TMTC2: variants seen among roughly 807,000 people sequenced by gnomAD.
The protein encoded by TMTC2 is protein O-mannosyl-transferase TMTC2.
TMTC2 carries 43 observed loss-of-function variants against 82.4 expected under a neutral mutation model. The ratio of observed to expected loss-of-function variants is 0.52; its 90% CI spans 0.41 to 0.67. The LOEUF (loss-of-function observed/expected upper bound fraction) is 0.67, where lower values mean the gene tolerates loss of function less well. Ranked by LOEUF, TMTC2 falls within the 30% of genes least tolerant of loss-of-function variation. The pLI, the probability that TMTC2 is intolerant of heterozygous loss-of-function variation, is 0.00. For missense variants in TMTC2, 919 were observed against 1,012.4 expected, an observed-to-expected ratio of 0.91 and a Z score of 1.25; for synonymous variants, 408 against 381.9, an observed-to-expected ratio of 1.07 and a Z score of -0.80.
chr12:82,793,466 A>G (rs886591018), intron 1 of TMTC2, among the ~76,000 whole-genome samples: 1 of 151,786 alleles, frequency 6.6e-6, no homozygotes, highest in African/African-American at 2.4e-5. Context: ...TATTTAATTA[A>G]TGTTCATTGA....
chr12:83,036,507 C>A (rs1881671011), intron 9 of TMTC2, among the ~76,000 whole-genome samples: 1 of 147,064 alleles, frequency 6.8e-6, no homozygotes. Context: ...CTTCATCATC[C>A]AACCCCTGTG....
At chr12:83,115,687 G>A (rs1884732002) in intron 11 of TMTC2, among the ~76,000 whole-genome samples, 2 of 151,828 alleles carry the variant, frequency 1.3e-5, no homozygotes, top group South Asian at 2.1e-4. Flanking sequence ...GGAACGGGTG[G>A]TGTTTGGTTA....
chr12:83,046,652 G>A (rs765131842), intron 9 of TMTC2, among the ~76,000 whole-genome samples: 3 of 152,072 alleles, frequency 2.0e-5, no homozygotes, highest in Non-Finnish European at 2.9e-5. Flanking sequence ...TGAAACTTGG[G>A]GCTTGTCTCT....
intron 8 of TMTC2, among the ~76,000 whole-genome samples, chr12:83,022,421 C>T (rs1880975287): frequency 7.3e-6 from 1 of 137,808 alleles, no homozygotes; most frequent in Non-Finnish European, 1.5e-5. Context: ...TTTCACAAAG[C>T]ACTGAAGACT....
intron 3 of TMTC2, among the ~76,000 whole-genome samples, chr12:82,923,779 T>G (rs1226168848): frequency 6.6e-6 from 1 of 152,158 alleles, no homozygotes. Flanking sequence ...ATAGATTAAT[T>G]TGGGGAGAAC....
intron 1 of TMTC2, among the ~76,000 whole-genome samples, chr12:82,709,552 T>A (rs1873529225): frequency 6.6e-6 from 1 of 152,230 alleles, no homozygotes; most frequent in Non-Finnish European, 1.5e-5. Context: ...CCCAAAAACC[T>A]GCTCATTTGA....
At chr12:83,120,352 G>T (rs1884909260) in intron 11 of TMTC2, among the ~76,000 whole-genome samples, 1 of 152,108 alleles carries the variant, frequency 6.6e-6, no homozygotes, top group African/African-American at 2.4e-5. Flanking sequence ...GCTTGGTAGT[G>T]GTGAATTCTC....
intron 2 of TMTC2, among the ~76,000 whole-genome samples, chr12:82,884,274 A>T (rs2137160366): frequency 6.6e-6 from 1 of 152,336 alleles, no homozygotes; most frequent in Middle Eastern, 3.4e-3. Flanking sequence ...ATGGGTTTAG[A>T]GGCATCCTTT....
chr12:83,043,981 C>A (rs756116145), intron 9 of TMTC2, among the ~76,000 whole-genome samples: 3 of 151,988 alleles, frequency 2.0e-5, no homozygotes, highest in Non-Finnish European at 2.9e-5. Context: ...TTTGTGTTTT[C>A]CAAGGGAAAT....
intron 7 of TMTC2, among the ~76,000 whole-genome samples, chr12:82,984,180 C>G (rs1434330440): frequency 6.6e-6 from 1 of 151,926 alleles, no homozygotes; most frequent in South Asian, 2.1e-4. Flanking sequence ...TTTAATTTCA[C>G]CAACTTCTTA....
At chr12:83,022,204 A>C (rs1308442602) in intron 8 of TMTC2, among the ~76,000 whole-genome samples, 1 of 151,938 alleles carries the variant, frequency 6.6e-6, no homozygotes, top group Non-Finnish European at 1.5e-5. Context: ...CCTGACTCAC[A>C]ATTTTTTATG....
chr12:82,901,600 A>C (rs1300039563), intron 3 of TMTC2, among the ~76,000 whole-genome samples: 1 of 151,962 alleles, frequency 6.6e-6, no homozygotes, highest in Non-Finnish European at 1.5e-5. Flanking sequence ...TAATATTAGT[A>C]AAAGACTCTC....
At chr12:83,089,826 AAAAAAAC>A (rs762388579) in intron 11 of TMTC2, among the ~76,000 whole-genome samples, 3,762 of 149,890 alleles carry the variant, frequency 0.025, 157 homozygotes, top group African/African-American at 0.088. Flanking sequence ...GATAATAGCA[AAAAAAAC>A]AAAAAACAAA....
At chr12:83,108,772 C>T (rs918953036) in intron 11 of TMTC2, among the ~76,000 whole-genome samples, 7 of 151,928 alleles carry the variant, frequency 4.6e-5, no homozygotes, top group Non-Finnish European at 1.0e-4. Context: ...GTGAAGGTCC[C>T]CGAACTATAA....
At chr12:82,908,601 T>A (rs1874446561) in intron 3 of TMTC2, among the ~76,000 whole-genome samples, 1 of 152,128 alleles carries the variant, frequency 6.6e-6, no homozygotes, top group Non-Finnish European at 1.5e-5. Context: ...TATTTCTGAG[T>A]GATTGTCAGT....
chr12:82,841,689 C>G (rs1199966398), intron 1 of TMTC2, among the ~76,000 whole-genome samples: 1 of 152,174 alleles, frequency 6.6e-6, no homozygotes, highest in African/African-American at 2.4e-5. Flanking sequence ...TGATCTTTCT[C>G]AGATGTATGT....
intron 11 of TMTC2, among the ~76,000 whole-genome samples, chr12:83,078,200 G>C (rs1409571911): frequency 6.6e-6 from 1 of 151,988 alleles, no homozygotes; most frequent in East Asian, 1.9e-4. Flanking sequence ...TAATTTTTGC[G>C]GCAACTGAAC....
At chr12:82,713,785 A>G (rs1873758693) in intron 1 of TMTC2, among the ~76,000 whole-genome samples, 1 of 152,222 alleles carries the variant, frequency 6.6e-6, no homozygotes, top group Non-Finnish European at 1.5e-5. Context: ...TTTCTGTGTG[A>G]AAAAACACAG....
In TMTC2 at chr12:82,998,814, G is replaced by A. The variant is rs1002151499; in HGVS notation, c.2070+12768G>A. Among the ~76,000 whole-genome samples, 56 of 151,836 alleles carry A rather than the reference G, an allele frequency of 3.7e-4. 1 individual carries two copies. Among genetic ancestry groups the A allele is most frequent in the Non-Finnish European group, 1.3e-4 (9 of 67,950 alleles). The stretch of plus-strand genomic sequence containing the variant: ...ATTCCAACATGAAAAAAAATATGAG[G>A]CACCTATGTATTTTTAACTCAGATA... On this transcript the variant is annotated intron_variant, in intron 8 of 11. Transcript: ENST00000321196.
Sources: gnomAD v4.1 joint callset for allele counts (sites outside exome capture counted in the v4.1 genomes callset) on GRCh38, gnomAD v4.1.1 for gene constraint, MANE v1.5 for transcripts, NCBI Gene and HGNC (gene_info 2026-07-23, HGNC 2026-07-21) for gene names.